Variants in SH3RF3 observed in about 807,000 individuals in gnomAD.
The protein encoded by SH3RF3 is E3 ubiquitin-protein ligase SH3RF3.
Under a neutral mutation model 66.3 loss-of-function variants are expected in SH3RF3, and 29 were observed. The observed-to-expected ratio is 0.44, with a 90% CI of 0.33 to 0.60. SH3RF3 has a LOEUF of 0.60. SH3RF3 is among the 20% of genes least tolerant of loss of function. The pLI is 0.04. For missense variants in SH3RF3, 1,194 were observed against 1,190.9 expected, an observed-to-expected ratio of 1.00 and a Z score of -0.04; for synonymous variants, 583 against 532.0, an observed-to-expected ratio of 1.10 and a Z score of -1.32.
intron 8 of SH3RF3, among the ~76,000 whole-genome samples, chr2:109,464,164 C>T (rs1294754221): frequency 1.3e-5 from 2 of 152,210 alleles, no homozygotes; most frequent in Non-Finnish European, 2.9e-5. Context: ...GAGCTCACCA[C>T]TTAATGAGGG....
chr2:109,410,330 G>A (rs1676555932), intron 4 of SH3RF3, among the ~76,000 whole-genome samples: 1 of 152,244 alleles, frequency 6.6e-6, no homozygotes, highest in African/African-American at 2.4e-5. Context: ...GTGACAGGGA[G>A]AGAGATGCAG....
chr2:109,357,913 A>G (rs1682983919), intron 2 of SH3RF3, among the ~76,000 whole-genome samples: 1 of 152,222 alleles, frequency 6.6e-6, no homozygotes, highest in Admixed American at 6.5e-5. Context: ...ATGAGCCTAT[A>G]TTGACAAATC....
chr2:109,255,864 G>A (rs1680210654), intron 1 of SH3RF3, among the ~76,000 whole-genome samples: 1 of 152,194 alleles, frequency 6.6e-6, no homozygotes, highest in African/African-American at 2.4e-5. Flanking sequence ...AGTTAAATTA[G>A]TTTTCCTTTT....
At chr2:109,312,749 A>G (rs1681760309) in intron 1 of SH3RF3, among the ~76,000 whole-genome samples, 1 of 152,176 alleles carries the variant, frequency 6.6e-6, no homozygotes, top group African/African-American at 2.4e-5. Flanking sequence ...TGGTATTTCC[A>G]CATTTTGTTT....
intron 3 of SH3RF3, among the ~76,000 whole-genome samples, chr2:109,380,824 A>T (rs7560312): frequency 3.5e-4 from 54 of 152,184 alleles, no homozygotes; most frequent in African/African-American, 1.2e-3. Context: ...AACTTTTTAG[A>T]TTCCTCCCAA....
intron 1 of SH3RF3, among the ~76,000 whole-genome samples, chr2:109,299,201 G>A (rs928147953): frequency 6.6e-6 from 1 of 152,204 alleles, no homozygotes; most frequent in Non-Finnish European, 1.5e-5. Flanking sequence ...AGTTAAAACT[G>A]CGACCCTGCC....
At chr2:109,256,059 G>A (rs1194767384) in intron 1 of SH3RF3, among the ~76,000 whole-genome samples, 2 of 152,144 alleles carry the variant, frequency 1.3e-5, no homozygotes, top group Admixed American at 6.5e-5. Context: ...ACAAATGTAA[G>A]CCTGTATGTG....
intron 4 of SH3RF3, among the ~76,000 whole-genome samples, chr2:109,407,441 G>C (rs532391906): frequency 6.6e-6 from 1 of 152,304 alleles, no homozygotes; most frequent in South Asian, 2.1e-4. Flanking sequence ...GCAGCTTCCT[G>C]TGTTGGCTGG....
At chr2:109,205,659 G>A (rs951381130) in intron 1 of SH3RF3, among the ~76,000 whole-genome samples, 8 of 152,168 alleles carry the variant, frequency 5.3e-5, no homozygotes, top group Non-Finnish European at 1.2e-4. Flanking sequence ...CAGTCTGTTG[G>A]TGTCAGGGTC....
At chr2:109,373,712 C>G (rs1369942199) in intron 3 of SH3RF3, among the ~76,000 whole-genome samples, 1 of 152,108 alleles carries the variant, frequency 6.6e-6, no homozygotes, top group Non-Finnish European at 1.5e-5. Context: ...CTCGGGAGAG[C>G]TGCACAGATT....
intron 2 of SH3RF3, among the ~76,000 whole-genome samples, chr2:109,360,318 T>G (rs959945742): frequency 6.6e-5 from 10 of 152,220 alleles, no homozygotes; most frequent in African/African-American, 2.4e-4. Flanking sequence ...TGGTAGCATA[T>G]AAATCCAGAG....
intron 8 of SH3RF3, among the ~76,000 whole-genome samples, chr2:109,476,438 A>G (rs1335390209): frequency 6.6e-6 from 1 of 152,218 alleles, no homozygotes; most frequent in Non-Finnish European, 1.5e-5. Flanking sequence ...GGGAGGTAGT[A>G]GTACTCAAAT....
chr2:109,431,340 C>T (rs1044176709), intron 5 of SH3RF3, among the ~76,000 whole-genome samples: 2 of 152,200 alleles, frequency 1.3e-5, no homozygotes, highest in African/African-American at 2.4e-5. Context: ...CACCAGCTTC[C>T]GTGGCTGAAT....
In SH3RF3 at chr2:109,177,207, C is replaced by T. The variant is rs548684856; in HGVS notation, c.573+47094C>T. ...ATAAGGGGGACTGTGTTTTCAGATG[C>T]AAAACCAGGGACGATGATAGCTCCT... On this transcript the variant is annotated intron_variant, in intron 1 of 9. Transcript: ENST00000309415. 2.6e-5 allele frequency among the ~76,000 whole-genome samples: 4 copies of T among 152,286 alleles called. No homozygotes were observed. In the South Asian group the frequency reaches 8.3e-4, roughly 32 times the overall value.
At position 109,449,462 on chromosome 2, in the gene SH3RF3, C is replaced by T. The variant is rs373410879; in HGVS notation, c.2121C>T (p.Cys707=). 4.5e-5 allele frequency: 72 copies of T among 1,613,870 alleles called. No individual in the cohort carries two copies. The highest frequency in any genetic ancestry group is 6.0e-5 in the Non-Finnish European group (71 of 1,179,880). The change falls in exon 8 of 10, where the codon TGC becomes TGT. Residue 707 remains cysteine, a synonymous_variant. Transcript: ENST00000309415. The stretch of plus-strand genomic sequence containing the variant: ...CATCCAGCCCCACCAACACGGGATG[C>T]AAACTAGACGAGAAGAAAAGTGAAA... ...LSTSSPTNTG[C]KLDEKKSEKK...
intron 1 of SH3RF3, among the ~76,000 whole-genome samples, chr2:109,285,252 G>C (rs893692164): frequency 6.6e-6 from 1 of 152,238 alleles, no homozygotes; most frequent in African/African-American, 2.4e-5. Context: ...GATCCACTCA[G>C]TGTGAAGGGC....
intron 1 of SH3RF3, among the ~76,000 whole-genome samples, chr2:109,217,092 C>T (rs185789746): frequency 3.9e-5 from 6 of 152,330 alleles, no homozygotes; most frequent in African/African-American, 1.2e-4. Flanking sequence ...ATTCATGCTG[C>T]AGTGTGTGTC....
At chr2:109,263,066 G>A (rs12053080) in intron 1 of SH3RF3, among the ~76,000 whole-genome samples, 38,374 of 151,762 alleles carry the variant, frequency 0.25, 5,263 homozygotes, top group East Asian at 0.46. Context: ...GGCTGGTCTC[G>A]AACTCCTGAC....
intron 8 of SH3RF3, among the ~76,000 whole-genome samples, chr2:109,485,885 C>CT (rs1419595219): frequency 6.6e-6 from 1 of 152,274 alleles, no homozygotes; most frequent in African/African-American, 2.4e-5. Context: ...CCTCCAGTCC[C>CT]TGGCCCTCCC....
Sources: allele counts gnomAD v4.1 joint callset (sites outside exome capture counted in the v4.1 genomes callset), GRCh38; gene constraint gnomAD v4.1.1; transcripts MANE v1.5; gene names NCBI Gene and HGNC (gene_info 2026-07-23, HGNC 2026-07-21).